MAML3: variants seen among roughly 807,000 people sequenced by gnomAD.
MAML3 encodes mastermind like transcriptional coactivator 3, also known as mastermind-like protein 3.
MAML3 carries 27 observed loss-of-function variants against 101.9 expected under a neutral mutation model. The ratio of observed to expected loss-of-function variants is 0.27; its 90% CI spans 0.20 to 0.37. The LOEUF is 0.37. MAML3 is among the 10% of genes least tolerant of loss of function. The pLI is 1.00. For synonymous variants in MAML3, 501 were observed against 555.9 expected (o/e 0.90, Z 1.39); for missense variants, 1,316 against 1,444.9 (o/e 0.91, Z 1.45).
chr4:140,144,416 C>T (rs28681563), intron 1 of MAML3, among the ~76,000 whole-genome samples: 20,981 of 151,796 alleles, frequency 0.14, 1,646 homozygotes, highest in East Asian at 0.25. Flanking sequence ...GGAGTGGTGG[C>T]GAGCACCTGT....
At chr4:139,862,034 C>A (rs376690552) in intron 2 of MAML3, among the ~76,000 whole-genome samples, 1 of 152,038 alleles carries the variant, frequency 6.6e-6, no homozygotes, top group Admixed American at 6.5e-5. Context: ...CATGGTGAAA[C>A]CCTGTCTCTA....
intron 2 of MAML3, among the ~76,000 whole-genome samples, chr4:139,869,546 A>C (rs1225977899): frequency 6.6e-6 from 1 of 152,200 alleles, no homozygotes; most frequent in African/African-American, 2.4e-5. Flanking sequence ...GAAAGTACTA[A>C]TTCTCAGACA....
At chr4:139,993,368 TAGAC>T (rs1455263565) in intron 1 of MAML3, among the ~76,000 whole-genome samples, 3 of 102,762 alleles carry the variant, frequency 2.9e-5, no homozygotes, top group Non-Finnish European at 6.9e-5. Context: ...AAAAAAAAAA[TAGAC>T]ATACATATAT....
chr4:139,865,451 C>T (rs902567741), intron 2 of MAML3, among the ~76,000 whole-genome samples: 2 of 151,308 alleles, frequency 1.3e-5, no homozygotes, highest in African/African-American at 4.9e-5. Context: ...ATCCCTTGTC[C>T]CTGAATTACA....
At chr4:139,944,556 CATTT>C (rs1733670896) in intron 1 of MAML3, among the ~76,000 whole-genome samples, 1 of 152,128 alleles carries the variant, frequency 6.6e-6, no homozygotes, top group African/African-American at 2.4e-5. Context: ...ATATGTGCCA[CATTT>C]TCTTAATCCA....
Position 140,000,919 on chromosome 4 carries a change from TG to T in MAML3, c.469-109953del, listed in dbSNP as rs1734912122. Among the ~76,000 whole-genome samples the T allele has an allele frequency of 1.3e-4, 14 of 108,354 alleles. No homozygotes were observed. In the Admixed American group the frequency reaches 1.7e-3, roughly 13 times the overall value. The allele number at this position is 108,354 out of a possible 152,430, so 71.1% of individuals were successfully genotyped here. The stretch of plus-strand genomic sequence containing the variant: ...GCACATGCCTATAATCCCAGCTACT[TG>T]GGAAGGCTGAGGCAGGAGAATCACT... On this transcript the variant is annotated intron_variant, in intron 1 of 4. Coordinates refer to ENST00000509479, the MANE Select transcript of MAML3 (RefSeq NM_018717.5).
chr4:139,782,297 G>C (rs1730229516), intron 2 of MAML3, among the ~76,000 whole-genome samples: 1 of 152,086 alleles, frequency 6.6e-6, no homozygotes, highest in Admixed American at 6.6e-5. Context: ...CGAGTAGCTT[G>C]GACTATAGGA....
chr4:139,986,832 T>TGC (rs767795451), intron 1 of MAML3, among the ~76,000 whole-genome samples: 5 of 152,208 alleles, frequency 3.3e-5, no homozygotes, highest in Non-Finnish European at 2.9e-5. Context: ...ATCGGCAATT[T>TGC]GCCTGGTGGG....
At chr4:139,930,605 G>A (rs1279945231) in intron 1 of MAML3, among the ~76,000 whole-genome samples, 1 of 152,184 alleles carries the variant, frequency 6.6e-6, no homozygotes, top group East Asian at 1.9e-4. Flanking sequence ...AATAGGTAGA[G>A]GCAGAAACTG....
chr4:139,732,741 AGGCCTCTC>A, intron 2 of MAML3, among the ~76,000 whole-genome samples: 1 of 152,328 alleles, frequency 6.6e-6, no homozygotes, highest in East Asian at 1.9e-4. Flanking sequence ...CTACTAGCTC[AGGCCTCTC>A]CCAGGCAGTG....
At chr4:140,049,012 G>C (rs556487196) in intron 1 of MAML3, among the ~76,000 whole-genome samples, 3 of 152,340 alleles carry the variant, frequency 2.0e-5, no homozygotes, top group East Asian at 1.9e-4. Flanking sequence ...GAAAAAGAGA[G>C]AGGAGCAAAG....
chr4:139,912,306 T>G (rs931353885), intron 1 of MAML3, among the ~76,000 whole-genome samples: 2 of 152,160 alleles, frequency 1.3e-5, no homozygotes, highest in Non-Finnish European at 2.9e-5. Context: ...TCTAATAGTC[T>G]TTCTTTTCTC....
At chr4:139,804,376 C>T (rs1471251733) in intron 2 of MAML3, among the ~76,000 whole-genome samples, 1 of 151,860 alleles carries the variant, frequency 6.6e-6, no homozygotes, top group African/African-American at 2.4e-5. Flanking sequence ...AAGCGATTCT[C>T]CTGCCTCAGC....
chr4:139,958,795 C>G (rs970493736), intron 1 of MAML3, among the ~76,000 whole-genome samples: 4 of 152,196 alleles, frequency 2.6e-5, no homozygotes, highest in African/African-American at 9.7e-5. Flanking sequence ...CTTCAGAAAA[C>G]TACTAATATC....
chr4:139,868,166 C>G (rs1010513032), intron 2 of MAML3, among the ~76,000 whole-genome samples: 1 of 152,170 alleles, frequency 6.6e-6, no homozygotes, highest in Admixed American at 6.5e-5. Flanking sequence ...TTGTTTTAGA[C>G]CATCTGATTA....
At chr4:140,115,912 A>G (rs1404755964) in intron 1 of MAML3, among the ~76,000 whole-genome samples, 1 of 152,224 alleles carries the variant, frequency 6.6e-6, no homozygotes, top group African/African-American at 2.4e-5. Context: ...ATTTAAATAT[A>G]GAAAATATTT....
chr4:140,109,994 G>C (rs950753468), intron 1 of MAML3, among the ~76,000 whole-genome samples: 3 of 152,170 alleles, frequency 2.0e-5, no homozygotes, highest in African/African-American at 7.2e-5. Flanking sequence ...TGGCTGCTTT[G>C]CAAAAACTAA....
chr4:140,142,053 T>G (rs914530491), intron 1 of MAML3, among the ~76,000 whole-genome samples: 3 of 152,172 alleles, frequency 2.0e-5, no homozygotes, highest in African/African-American at 7.2e-5. Flanking sequence ...CAATAGAGAA[T>G]CATTCAATAA....
At chr4:139,980,967 CT>C (rs1291730800) in intron 1 of MAML3, among the ~76,000 whole-genome samples, 3 of 152,152 alleles carry the variant, frequency 2.0e-5, no homozygotes, top group Non-Finnish European at 2.9e-5. Context: ...GGCAAAAGTT[CT>C]GGGTTGGGAA....
Sources: allele counts gnomAD v4.1 joint callset (sites outside exome capture counted in the v4.1 genomes callset), GRCh38; gene constraint gnomAD v4.1.1; transcripts MANE v1.5; gene names NCBI Gene and HGNC (gene_info 2026-07-23, HGNC 2026-07-21).